Variants in ACSL4 observed in about 807,000 individuals in gnomAD.
ACSL4 encodes the protein long-chain-fatty-acid--CoA ligase 4.
In ACSL4, 9 loss-of-function variants were observed where a neutral mutation model predicts 49.1. The observed-to-expected ratio is 0.18, with a 90% confidence interval of 0.11 to 0.32. ACSL4 has a LOEUF of 0.32. Among genes scored for constraint, ACSL4 ranks in the 10% least tolerant of loss-of-function variants. The pLI is 1.00. For missense variants in ACSL4, 333 were observed against 493.7 expected (o/e 0.67, Z 3.08); for synonymous variants, 191 against 170.3 (o/e 1.12, Z -0.95).
At chrX:109,657,048 C>A (rs754575187) in intron 15 of ACSL4, among the ~76,000 whole-genome samples, 11 of 110,984 alleles carry the variant, frequency 9.9e-5, no homozygotes, top group Non-Finnish European at 1.9e-4. Context: ...GACCCATCCA[C>A]AGCCTCCTGT....
intron 6 of ACSL4, among the ~76,000 whole-genome samples, chrX:109,678,757 C>A (rs11795780): frequency 0.41 from 45,357 of 111,467 alleles, 7,995 homozygotes; most frequent in Middle Eastern, 0.62. Context: ...GTGAGCCTAG[C>A]AGGTTGAGGC....
At position 109,715,648 on chromosome X, in the gene ACSL4, G is replaced by T. The variant is rs2038802; in HGVS notation, c.-66+17491C>A. 7.1e-3 allele frequency among the ~76,000 whole-genome samples: 787 copies of T among 110,114 alleles called. 14 individuals carry two copies. The highest frequency in any genetic ancestry group is 0.041 in the East Asian group (147 of 3,547). On this transcript the variant is annotated intron_variant, in intron 1 of 15. Transcript: ENST00000672401. ...AAAAATAAAATTATATATATATATA[G>T]AGAGAGATCAAAACAATAAATCATA... is the stretch of plus-strand genomic sequence containing the variant.
intron 9 of ACSL4, among the ~76,000 whole-genome samples, chrX:109,671,890 C>T (rs891839170): frequency 1.8e-5 from 2 of 108,356 alleles, no homozygotes; most frequent in Non-Finnish European, 3.8e-5. Context: ...TGCTCGTTAA[C>T]AGTCATCACC....
chrX:109,731,887 T>C lies in ACSL4; in HGVS notation c.-66+1252A>G, dbSNP rs144335725. Among the ~76,000 whole-genome samples, 464 of 112,459 alleles carry C rather than the reference T, an allele frequency of 4.1e-3. 2 individuals are homozygous for C. Among genetic ancestry groups the C allele is most frequent in the African/African-American group, 0.014 (445 of 30,977 alleles). On this transcript the variant is annotated intron_variant, in intron 1 of 15. Transcript: ENST00000672401. ...ACCGATATGCTCAATGGCAGTACCA[T>C]CATTGAATCTCCACCTGCTGCCTTA...
intron 1 of ACSL4, among the ~76,000 whole-genome samples, chrX:109,697,400 C>T (rs775980780): frequency 9.0e-6 from 1 of 111,351 alleles, no homozygotes; most frequent in East Asian, 2.8e-4. Context: ...AAACGAACAT[C>T]CACATAACTG....
Position 109,644,023 on chromosome X carries a change from A to C in ACSL4, c.*6T>G. 8.3e-7 allele frequency: 1 copy of C among 1,211,323 alleles called. No individual in the cohort carries two copies. Among genetic ancestry groups the C allele is most frequent in the Non-Finnish European group, 1.1e-6 (1 of 895,073 alleles). On this transcript the variant is annotated 3_prime_UTR_variant, in exon 16 of 16. Transcript: ENST00000672401. Reference sequence around the variant, plus strand: ...CCTGCACAACTGTCAATAAGACAACAACATTTTATTTGCCCCCATACATTC... The same window carrying C: ...CCTGCACAACTGTCAATAAGACAACCACATTTTATTTGCCCCCATACATTC...
chrX:109,718,468 T>C (rs764816050), intron 1 of ACSL4, among the ~76,000 whole-genome samples: 2 of 112,492 alleles, frequency 1.8e-5, no homozygotes, highest in African/African-American at 6.5e-5. Flanking sequence ...AGAAATCCCA[T>C]AGTCAGCCAG....
At chrX:109,667,004 G>C (rs1188328728) in intron 11 of ACSL4, among the ~76,000 whole-genome samples, 1 of 111,927 alleles carries the variant, frequency 8.9e-6, no homozygotes, top group Non-Finnish European at 1.9e-5. Context: ...GAAACCTAAT[G>C]AAGGAATGAT....
At chrX:109,690,413 G>T (rs1218342141) in intron 2 of ACSL4, among the ~76,000 whole-genome samples, 1 of 111,771 alleles carries the variant, frequency 8.9e-6, no homozygotes, top group Non-Finnish European at 1.9e-5. Flanking sequence ...TTCCATATGG[G>T]AATCATAGTA....
chrX:109,672,679 G>A (rs972469144), intron 9 of ACSL4, among the ~76,000 whole-genome samples: 1 of 106,993 alleles, frequency 9.3e-6, no homozygotes, highest in African/African-American at 3.4e-5. Flanking sequence ...AGAAACAGGA[G>A]GGGCTAAAAA....
chrX:109,730,190 G>A (rs551236793), intron 1 of ACSL4, among the ~76,000 whole-genome samples: 9 of 112,280 alleles, frequency 8.0e-5, no homozygotes, highest in African/African-American at 2.9e-4. Flanking sequence ...TTATGCATGA[G>A]GCTATTATTG....
chrX:109,722,839 T>C (rs1006096750), intron 1 of ACSL4, among the ~76,000 whole-genome samples: 1 of 111,145 alleles, frequency 9.0e-6, no homozygotes, highest in Non-Finnish European at 1.9e-5. Flanking sequence ...CACAATATAG[T>C]GTCGAGTTAA....
intron 1 of ACSL4, among the ~76,000 whole-genome samples, chrX:109,722,950 C>A (rs2147546813): frequency 8.9e-6 from 1 of 111,914 alleles, no homozygotes; most frequent in Non-Finnish European, 1.9e-5. Flanking sequence ...CATATAAGCA[C>A]AAGCATATAT....
chrX:109,707,807 T>C (rs750598784), intron 1 of ACSL4, among the ~76,000 whole-genome samples: 3 of 111,743 alleles, frequency 2.7e-5, no homozygotes, highest in Non-Finnish European at 5.6e-5. Context: ...ATTGCCAGAG[T>C]ATTTAAGAGT....
chrX:109,663,670 G>C (rs1204096939), intron 12 of ACSL4, among the ~76,000 whole-genome samples: 1 of 111,173 alleles, frequency 9.0e-6, no homozygotes, highest in Admixed American at 9.6e-5. Context: ...AACACCATTA[G>C]AGCTTAGTGT....
intron 8 of ACSL4, among the ~76,000 whole-genome samples, chrX:109,677,388 G>T (rs1408843635): frequency 9.0e-6 from 1 of 111,708 alleles, no homozygotes; most frequent in Non-Finnish European, 1.9e-5. Flanking sequence ...ATGCTCATGG[G>T]TAGTGTGTCA....
intron 2 of ACSL4, chrX:109,695,511 G>C (rs1029104426): frequency 2.7e-5 from 3 of 110,383 alleles, no homozygotes; most frequent in African/African-American, 9.9e-5. Context: ...GAGGCCAGGA[G>C]TTCAAGACCA....
At position 109,643,776 on chromosome X, in the gene ACSL4, A is replaced by G; in HGVS notation, c.*253T>C. ...AAGTATATCTTAGGCTAATTTTTAA[A>G]AACAGAATTTCTGCTCTATAATAAC... On this transcript the variant is annotated 3_prime_UTR_variant, in exon 16 of 16. Transcript: ENST00000672401. The G allele has an allele frequency of 3.2e-6, 1 of 311,573 alleles. No homozygotes were observed. Among genetic ancestry groups the G allele is most frequent in the Non-Finnish European group, 5.6e-6 (1 of 177,308 alleles). The allele number at this position is 311,573 out of a possible 1,213,427, so 25.7% of individuals were successfully genotyped here.
At chrX:109,668,372 ACATCT>A in intron 10 of ACSL4, 99 bp from the exon 11 acceptor site, 1 of 739,484 alleles carries the variant, frequency 1.4e-6, no homozygotes. Flanking sequence ...AACTGGTTGA[ACATCT>A]CAATGTCAGA....
Sources: allele counts gnomAD v4.1 joint callset (sites outside exome capture counted in the v4.1 genomes callset), GRCh38; gene constraint gnomAD v4.1.1; transcripts MANE v1.5; gene names NCBI Gene and HGNC (gene_info 2026-07-23, HGNC 2026-07-21).